Variants in PCDHGA2 observed in about 807,000 individuals in gnomAD.
PCDHGA2 encodes the protein protocadherin gamma subfamily A, 2.
Under a neutral mutation model 59.2 loss-of-function variants are expected in PCDHGA2, and 40 were observed. The observed-to-expected ratio is 0.68, with a 90% CI of 0.52 to 0.88. The LOEUF is 0.88. Ranked by LOEUF, PCDHGA2 falls within the 40% of genes least tolerant of loss-of-function variation. The probability of loss-of-function intolerance (pLI) is 0.00; values close to 1 mark genes in which losing one functional copy is unlikely to be tolerated. For missense variants in PCDHGA2, 1,226 were observed against 1,204.0 expected (o/e 1.02, Z -0.27); for synonymous variants, 560 against 526.0 (o/e 1.06, Z -0.89).
chr5:141,409,802 G>A (rs2095317294), intron 1 of PCDHGA2: 10 of 1,611,810 alleles, frequency 6.2e-6, no homozygotes, highest in Non-Finnish European at 7.6e-6. Context: ...CACGCTGCAG[G>A]CCCGCGACCA....
At chr5:141,414,161 GA>G (rs1351073953) in intron 1 of PCDHGA2, 1 of 1,603,276 alleles carries the variant, frequency 6.2e-7, no homozygotes, top group Admixed American at 1.7e-5. Context: ...GAAGATGGAG[GA>G]GCATATCTTG....
At chr5:141,394,705 C>G (rs1245348426) in intron 1 of PCDHGA2, 9 of 1,613,256 alleles carry the variant, frequency 5.6e-6, no homozygotes, top group Non-Finnish European at 7.6e-6. Flanking sequence ...ACGGCGCGAG[C>G]CCTGCTGGAC....
chr5:141,367,756 T>A (rs1485436627), intron 1 of PCDHGA2: 1 of 152,192 alleles, frequency 6.6e-6, no homozygotes, highest in Non-Finnish European at 1.5e-5. Flanking sequence ...TACATACTGC[T>A]GCACTCAATA....
Position 141,340,919 on chromosome 5 carries a change from G to A in PCDHGA2, c.1948G>A (p.Gly650Ser), listed in dbSNP as rs374086757. Reference protein sequence around the residue: ...QSLVVAIQDHGQPPLSATVTL... With the variant: ...QSLVVAIQDHSQPPLSATVTL... Reference sequence around the variant, plus strand: ...CCTCGTGGTGGCCATCCAGGACCACGGCCAGCCCCCTCTCTCCGCCACTGT... The same window carrying A: ...CCTCGTGGTGGCCATCCAGGACCACAGCCAGCCCCCTCTCTCCGCCACTGT... Residue 650 changes from glycine (G) to serine (S), a missense_variant, in exon 1 of 4, where the codon GGC becomes AGC. Gly to Ser is a moderately conservative substitution (Grantham distance 56). Transcript: ENST00000394576. The A allele has an allele frequency of 6.2e-7, 1 of 1,613,660 alleles. No homozygotes were observed. Among genetic ancestry groups the A allele is most frequent in the Non-Finnish European group, 8.5e-7 (1 of 1,179,930 alleles).
chr5:141,392,830 G>A lies in PCDHGA2; in HGVS notation c.2424+51435G>A, dbSNP rs747812941. ...AAAACAACAATGGCCGCTCCACAGA[G>A]TCGCCCCAGACGCGGCGAGCTGATC... On this transcript the variant is annotated intron_variant, in intron 1 of 3. Transcript: ENST00000394576. The A allele has an allele frequency of 1.6e-5, 26 of 1,604,568 alleles. No individual in the cohort carries two copies. Among genetic ancestry groups the A allele is most frequent in the Non-Finnish European group, 2.0e-5 (24 of 1,175,404 alleles).
At chr5:141,404,773 C>T (rs753809742) in intron 1 of PCDHGA2, 1 of 1,613,856 alleles carries the variant, frequency 6.2e-7, no homozygotes, top group South Asian at 1.1e-5. Flanking sequence ...TCTCCTACCG[C>T]CTATTCAAGG....
intron 1 of PCDHGA2, among the ~76,000 whole-genome samples, chr5:141,461,557 C>T (rs2154567400): frequency 6.6e-6 from 1 of 152,122 alleles, no homozygotes; most frequent in East Asian, 1.9e-4. Context: ...CAGATGTGTA[C>T]TTTGCAAAGA....
chr5:141,360,212 C>G (rs17097231), intron 1 of PCDHGA2: 158,148 of 1,612,832 alleles, frequency 0.098, 8,576 homozygotes, highest in African/African-American at 0.15. Flanking sequence ...TCTTTGTTCC[C>G]CGGGGCTCTC....
intron 1 of PCDHGA2, among the ~76,000 whole-genome samples, chr5:141,450,062 A>G (rs546772416): frequency 1.1e-4 from 15 of 142,322 alleles, no homozygotes; most frequent in African/African-American, 4.0e-4. Flanking sequence ...GCTGGAATGC[A>G]GTGGTATGAT....
chr5:141,399,656 T>C, intron 1 of PCDHGA2: 1 of 1,613,694 alleles, frequency 6.2e-7, no homozygotes, highest in Non-Finnish European at 8.5e-7. Context: ...AGTGGGGTGG[T>C]GTTCGCGCAG....
chr5:141,340,389 C>T lies in PCDHGA2; in HGVS notation c.1418C>T (p.Ser473Leu). The T allele has an allele frequency of 6.2e-7, 1 of 1,614,200 alleles. No individual in the cohort carries two copies. Among genetic ancestry groups the T allele is most frequent in the Non-Finnish European group, 8.5e-7 (1 of 1,180,038 alleles). ...AACCCCAGAGGAGCCTCTGTCTTCT[C>T]AGTGACGGCCCATGACCCCGACAGC... ...ENNPRGASVF[S>L]VTAHDPDSND... Residue 473 changes from serine (S) to leucine (L), a missense_variant, in exon 1 of 4, where the codon TCA (serine) becomes TTA (leucine). Coordinates refer to ENST00000394576, the MANE Select transcript of PCDHGA2 (RefSeq NM_018915.4).
chr5:141,368,244 T>G (rs1016552199), intron 1 of PCDHGA2, among the ~76,000 whole-genome samples: 4 of 152,156 alleles, frequency 2.6e-5, no homozygotes, highest in Non-Finnish European at 5.9e-5. Flanking sequence ...CTCAACCACA[T>G]GAAAGGTTAA....
chr5:141,374,761 C>G, intron 1 of PCDHGA2: 3 of 1,613,458 alleles, frequency 1.9e-6, no homozygotes, highest in South Asian at 1.1e-5. Context: ...CAAGCGTCGC[C>G]CAAATTCTGG....
Position 141,361,351 on chromosome 5 carries a change from A to T in PCDHGA2, c.2424+19956A>T, listed in dbSNP as rs200180237. Reference sequence around the variant, plus strand: ...CTCAAAGAACTATTACAAACTAGTGACAGACGGCGCTCTGGACCGGGAGGA... The same window carrying T: ...CTCAAAGAACTATTACAAACTAGTGTCAGACGGCGCTCTGGACCGGGAGGA... On this transcript the variant is annotated intron_variant, in intron 1 of 3. Coordinates refer to ENST00000394576, the MANE Select transcript of PCDHGA2 (RefSeq NM_018915.4). 1.6e-3 allele frequency: 2,637 copies of T among 1,613,994 alleles called. 1 individual carries two copies. Among genetic ancestry groups the T allele is most frequent in the Non-Finnish European group, 2.1e-3 (2,436 of 1,179,894 alleles).
intron 1 of PCDHGA2, chr5:141,398,034 A>G: frequency 6.8e-7 from 1 of 1,475,238 alleles, no homozygotes; most frequent in South Asian, 1.4e-5. Context: ...AACTGGAACT[A>G]AAGCCCGTTC....
At position 141,341,271 on chromosome 5, in the gene PCDHGA2, A is replaced by C; in HGVS notation, c.2300A>C (p.His767Pro). 1 of 1,614,168 alleles carries C rather than the reference A, an allele frequency of 6.2e-7. No individual in the cohort carries two copies. The change falls in exon 1 of 4, where the codon CAC becomes CCC. Residue 767 changes from histidine (H) to proline (P), a missense_variant. Coordinates refer to ENST00000394576, the MANE Select transcript of PCDHGA2 (RefSeq NM_018915.4). ...VSLTADSRKSHLIFPQPNYAD... is the reference protein window; with the variant it reads ...VSLTADSRKSPLIFPQPNYAD... ...CTCACTGCGGACTCGCGGAAGAGCC[A>C]CCTGATTTTCCCCCAGCCCAACTAT...
At chr5:141,399,148 C>T (rs2150776580) in intron 1 of PCDHGA2, 2 of 1,613,684 alleles carry the variant, frequency 1.2e-6, no homozygotes, top group Non-Finnish European at 1.7e-6. Context: ...TGACAATAGC[C>T]CAGAAGTTAC....
At chr5:141,423,499 G>T (rs1590485367) in intron 1 of PCDHGA2, 1 of 1,613,966 alleles carries the variant, frequency 6.2e-7, no homozygotes, top group Non-Finnish European at 8.5e-7. Context: ...TTCCCACGAG[G>T]TCTCTCTCAT....
At chr5:141,371,107 ACC>A in intron 1 of PCDHGA2, 1 of 1,613,650 alleles carries the variant, frequency 6.2e-7, no homozygotes, top group Non-Finnish European at 8.5e-7. Context: ...GCAAATGATA[ACC>A]CCCCAGTATT....
Sources: allele counts gnomAD v4.1 joint callset (sites outside exome capture counted in the v4.1 genomes callset), GRCh38; gene constraint gnomAD v4.1.1; transcripts MANE v1.5; gene names NCBI Gene and HGNC (gene_info 2026-07-23, HGNC 2026-07-21).